The following GABRB3 variants were observed in gnomAD, a reference collection of about 807,000 sequenced individuals.
The protein encoded by GABRB3 is gamma-aminobutyric acid receptor subunit beta-3.
In GABRB3, 14 loss-of-function variants were observed where a neutral mutation model predicts 52.1. The ratio of observed to expected loss-of-function variants is 0.27; its 90% CI spans 0.18 to 0.42. GABRB3 has a LOEUF of 0.42. GABRB3 is among the 10% of genes least tolerant of loss of function. The pLI, the probability that GABRB3 is intolerant of heterozygous loss-of-function variation, is 1.00. For missense variants in GABRB3, 307 were observed against 609.1 expected, an observed-to-expected ratio of 0.50 and a Z score of 5.22; for synonymous variants, 260 against 232.3, an observed-to-expected ratio of 1.12 and a Z score of -1.08.
chr15:26,723,603 C>T (rs1889697849), intron 3 of GABRB3, among the ~76,000 whole-genome samples: 1 of 152,172 alleles, frequency 6.6e-6, no homozygotes, highest in Non-Finnish European at 1.5e-5. Flanking sequence ...ACCTGACCTC[C>T]CAGCCATGGT....
chr15:26,561,343 G>A (rs532715061), intron 7 of GABRB3, among the ~76,000 whole-genome samples, 167 bp from the exon 8 acceptor site: 21 of 152,284 alleles, frequency 1.4e-4, no homozygotes, highest in Middle Eastern at 6.8e-3. Flanking sequence ...CATTTGCACC[G>A]CACGTCACCA....
Position 26,748,857 on chromosome 15 carries a change from C to A in GABRB3, c.240+23545G>T, listed in dbSNP as rs564933068. 3.5e-4 allele frequency among the ~76,000 whole-genome samples: 54 copies of A among 152,158 alleles called. No individual in the cohort carries two copies. The East Asian group carries it at 0.01, about 29-fold the overall frequency. Reference sequence around the variant, plus strand: ...CCTTGCCAACGTGGTGAAACCCGGTCTCTGCTAAAAATACAAAATTTAGCC... The same window carrying A: ...CCTTGCCAACGTGGTGAAACCCGGTATCTGCTAAAAATACAAAATTTAGCC... On this transcript the variant is annotated intron_variant, in intron 3 of 8. Transcript: ENST00000311550.
intron 8 of GABRB3, among the ~76,000 whole-genome samples, chr15:26,552,992 A>AT (rs1223299961): frequency 6.6e-6 from 1 of 152,194 alleles, no homozygotes; most frequent in Non-Finnish European, 1.5e-5. Context: ...AAGGGATTTG[A>AT]TAAATTGAGG....
intron 3 of GABRB3, among the ~76,000 whole-genome samples, chr15:26,673,888 G>T (rs112833315): frequency 6.6e-6 from 1 of 152,110 alleles, no homozygotes; most frequent in Non-Finnish European, 1.5e-5. Context: ...GCAGATTTCT[G>T]TTTCTATTTA....
intron 3 of GABRB3, among the ~76,000 whole-genome samples, chr15:26,650,069 C>A (rs1473414807): frequency 6.6e-6 from 1 of 151,976 alleles, no homozygotes; most frequent in Non-Finnish European, 1.5e-5. Context: ...GTTCAGCTAC[C>A]CTCAGCAGCC....
At chr15:26,624,640 A>G in intron 3 of GABRB3, 1 of 985,540 alleles carries the variant, frequency 1.0e-6, no homozygotes, top group Non-Finnish European at 1.2e-6. Flanking sequence ...AGCTTAGGTA[A>G]CAGCAAGAGG....
chr15:26,583,094 G>A (rs368196464), intron 5 of GABRB3, among the ~76,000 whole-genome samples: 2 of 152,210 alleles, frequency 1.3e-5, no homozygotes, highest in African/African-American at 2.4e-5. Context: ...TGAATGGACC[G>A]AAATGAGGGG....
intron 3 of GABRB3, among the ~76,000 whole-genome samples, chr15:26,622,594 A>C (rs1654214402): frequency 6.6e-6 from 1 of 152,216 alleles, no homozygotes; most frequent in Non-Finnish European, 1.5e-5. Flanking sequence ...AAACATCCTC[A>C]CTTGTGGACA....
intron 3 of GABRB3, among the ~76,000 whole-genome samples, chr15:26,714,652 A>T (rs142653815): frequency 1.0e-3 from 159 of 152,292 alleles, no homozygotes; most frequent in Middle Eastern, 3.4e-3. Context: ...TCTCAGTGAG[A>T]AGAGGGGCGA....
intron 4 of GABRB3, among the ~76,000 whole-genome samples, chr15:26,588,688 C>T (rs1381155778): frequency 6.6e-6 from 1 of 152,160 alleles, no homozygotes; most frequent in Non-Finnish European, 1.5e-5. Flanking sequence ...GATACTTACA[C>T]ATATTATAGG....
intron 3 of GABRB3, among the ~76,000 whole-genome samples, chr15:26,760,259 T>A (rs1890778370): frequency 6.6e-6 from 1 of 152,222 alleles, no homozygotes. Flanking sequence ...GGTCTCCTTA[T>A]GTTTCAAACA....
At chr15:26,602,044 T>C (rs967857086) in intron 4 of GABRB3, among the ~76,000 whole-genome samples, 2 of 151,976 alleles carry the variant, frequency 1.3e-5, no homozygotes, top group Admixed American at 6.6e-5. Context: ...ACATACAGAC[T>C]GAAAATGAAG....
At chr15:26,671,682 T>A (rs1286947588) in intron 3 of GABRB3, among the ~76,000 whole-genome samples, 1 of 152,220 alleles carries the variant, frequency 6.6e-6, no homozygotes, top group East Asian at 1.9e-4. Context: ...AATCTCAGAC[T>A]GATTTTATTG....
At chr15:26,721,406 G>A (rs969034409) in intron 3 of GABRB3, among the ~76,000 whole-genome samples, 1 of 151,900 alleles carries the variant, frequency 6.6e-6, no homozygotes, top group African/African-American at 2.4e-5. Context: ...AGAGGCGCCC[G>A]CTGAAATCTG....
chr15:26,681,753 G>A (rs1168882938), intron 3 of GABRB3, among the ~76,000 whole-genome samples: 1 of 152,140 alleles, frequency 6.6e-6, no homozygotes, highest in Non-Finnish European at 1.5e-5. Flanking sequence ...CTTGAGGCCA[G>A]GAGTTTGAGA....
chr15:26,643,636 G>GTT (rs1893272426), intron 3 of GABRB3, among the ~76,000 whole-genome samples: 1 of 151,974 alleles, frequency 6.6e-6, no homozygotes, highest in African/African-American at 2.4e-5. Flanking sequence ...GTGTGTGTGT[G>GTT]TGTGTGTGTG....
At chr15:26,708,590 G>A (rs914258356) in intron 3 of GABRB3, among the ~76,000 whole-genome samples, 2 of 152,198 alleles carry the variant, frequency 1.3e-5, no homozygotes, top group Admixed American at 1.3e-4. Context: ...GGGAATAGGC[G>A]ATGAAGCTCA....
intron 3 of GABRB3, among the ~76,000 whole-genome samples, chr15:26,720,086 T>C (rs7182868): frequency 0.46 from 69,091 of 151,580 alleles, 16,857 homozygotes; most frequent in African/African-American, 0.65. Context: ...TGTGAAATTC[T>C]TTCTCCTGGC....
chr15:26,670,937 G>A (rs2140630469), intron 3 of GABRB3, among the ~76,000 whole-genome samples: 1 of 152,006 alleles, frequency 6.6e-6, no homozygotes, highest in East Asian at 1.9e-4. Flanking sequence ...TCGCTCAGTT[G>A]GAGTGCAGTG....
Sources: gnomAD v4.1 joint callset for allele counts (sites outside exome capture counted in the v4.1 genomes callset) on GRCh38, gnomAD v4.1.1 for gene constraint, MANE v1.5 for transcripts, NCBI Gene and HGNC (gene_info 2026-07-23, HGNC 2026-07-21) for gene names.